Variants in MAF observed in about 807,000 individuals in gnomAD.
MAF encodes transcription factor Maf.
Under a neutral mutation model 22.0 loss-of-function variants are expected in MAF, and 10 were observed. That is an observed-to-expected ratio of 0.45 (90% CI 0.28 to 0.77). The LOEUF (loss-of-function observed/expected upper bound fraction) is 0.77, where lower values mean the gene tolerates loss of function less well. Ranked by LOEUF, MAF falls within the 30% of genes least tolerant of loss-of-function variation. The pLI is 0.12. For synonymous variants in MAF, 337 were observed against 255.8 expected, an observed-to-expected ratio of 1.32 and a Z score of -3.03; for missense variants, 544 against 548.4, an observed-to-expected ratio of 0.99 and a Z score of 0.08.
chr16:79,378,596 G>C, the MAF span, among the ~76,000 whole-genome samples: 4 of 152,156 alleles, frequency 2.6e-5, no homozygotes, highest in Non-Finnish European at 1.5e-5. Flanking sequence ...ATAATGCTGA[G>C]TAGAATGAGG....
At chr16:79,332,007 A>G in the MAF span, among the ~76,000 whole-genome samples, 1 of 152,170 alleles carries the variant, frequency 6.6e-6, no homozygotes, top group Non-Finnish European at 1.5e-5. Context: ...TTTGTTCATT[A>G]CCTGACTTTA....
the MAF span, among the ~76,000 whole-genome samples, chr16:79,471,298 G>A: frequency 2.6e-5 from 4 of 152,190 alleles, no homozygotes; most frequent in African/African-American, 7.2e-5. Context: ...TGAAGAGCAC[G>A]ACAGAACCCT....
At chr16:79,254,980 T>G in the MAF span, among the ~76,000 whole-genome samples, 1 of 152,184 alleles carries the variant, frequency 6.6e-6, no homozygotes, top group Non-Finnish European at 1.5e-5. Context: ...TGTTGCAAAG[T>G]AAAGCTGTAA....
chr16:79,541,707 C>A, the MAF span, among the ~76,000 whole-genome samples: 1 of 149,302 alleles, frequency 6.7e-6, no homozygotes, highest in East Asian at 2.0e-4. Flanking sequence ...GTCTGCTGCC[C>A]AGGCTGGAGT....
chr16:79,583,976 C>A (rs1052861629), downstream of MAF, among the ~76,000 whole-genome samples: 2 of 152,056 alleles, frequency 1.3e-5, no homozygotes, highest in Non-Finnish European at 2.9e-5. Flanking sequence ...CTGTAACATG[C>A]CCTAATGAAA....
At chr16:79,492,125 C>T in the MAF span, among the ~76,000 whole-genome samples, 1 of 152,196 alleles carries the variant, frequency 6.6e-6, no homozygotes, top group African/African-American at 2.4e-5. Flanking sequence ...TGAGATAGAG[C>T]AGGCACGGGC....
intron 1 of MAF, chr16:79,597,445 A>G (rs969742098): frequency 1.9e-6 from 2 of 1,029,032 alleles, no homozygotes; most frequent in Non-Finnish European, 2.3e-6. Context: ...TCTCGGCAAT[A>G]GCACAATTTT....
At chr16:79,391,911 AAGG>A in the MAF span, among the ~76,000 whole-genome samples, 4 of 83,664 alleles carry the variant, frequency 4.8e-5, no homozygotes, top group Non-Finnish European at 8.6e-5. Context: ...GGAGGAGGAG[AAGG>A]AGGAGGAGGA....
chr16:79,297,152 A>C, the MAF span, among the ~76,000 whole-genome samples: 2 of 152,152 alleles, frequency 1.3e-5, no homozygotes, highest in Non-Finnish European at 2.9e-5. Flanking sequence ...TCATGTTATA[A>C]GGCCCTGCTC....
At chr16:79,220,020 C>T in the MAF span, among the ~76,000 whole-genome samples, 4 of 152,012 alleles carry the variant, frequency 2.6e-5, no homozygotes, top group East Asian at 5.8e-4. Flanking sequence ...CTTTGGGATG[C>T]CAAGGTGGGC....
At position 79,599,241 on chromosome 16, in the gene MAF, G is replaced by A; in HGVS notation, c.662C>T (p.Pro221Leu). 1 of 978,172 alleles carries A rather than the reference G, an allele frequency of 1.0e-6. No individual in the cohort carries two copies. The allele number at this position is 978,172 out of a possible 1,614,324, so 60.6% of individuals were successfully genotyped here. The part of the protein sequence containing the change: ...GGAGGAGGGG[P>L]ASAGGGGGGG... ...GCCGCCGCCGCCCCCAGCGCTGGCC[G>A]GGCCACCGCCGCCCGCGCCCCCAGC... Residue 221 changes from proline (P) to leucine (L), a missense_variant, in exon 1 of 2, where the codon CCG becomes CTG. By Grantham distance (98) the Pro-to-Leu change is moderately conservative. Coordinates refer to ENST00000326043, the MANE Select transcript of MAF (RefSeq NM_005360.5).
At chr16:79,425,544 A>C in the MAF span, among the ~76,000 whole-genome samples, 2 of 152,214 alleles carry the variant, frequency 1.3e-5, no homozygotes, top group African/African-American at 4.8e-5. Flanking sequence ...TCGAGTTTAA[A>C]ACATAGTTGC....
the MAF span, among the ~76,000 whole-genome samples, chr16:79,353,330 T>C: frequency 6.6e-6 from 1 of 152,302 alleles, no homozygotes; most frequent in Admixed American, 6.5e-5. Context: ...GGTTTCACTA[T>C]GTTGCCCAGG....
chr16:79,390,747 T>C, the MAF span, among the ~76,000 whole-genome samples: 56 of 152,206 alleles, frequency 3.7e-4, no homozygotes, highest in South Asian at 0.011. Context: ...AGATAAGATA[T>C]GGGTAGAGAA....
chr16:79,389,544 G>A, the MAF span, among the ~76,000 whole-genome samples: 1 of 152,138 alleles, frequency 6.6e-6, no homozygotes, highest in Non-Finnish European at 1.5e-5. Flanking sequence ...TTACAGGCCT[G>A]AGCCACCGCG....
chr16:79,215,608 A>T, the MAF span, among the ~76,000 whole-genome samples: 1 of 152,160 alleles, frequency 6.6e-6, no homozygotes, highest in African/African-American at 2.4e-5. Context: ...CAGGGTTCAC[A>T]TCTGCAGGCT....
At chr16:79,221,325 C>A in the MAF span, among the ~76,000 whole-genome samples, 1 of 152,130 alleles carries the variant, frequency 6.6e-6, no homozygotes, top group Non-Finnish European at 1.5e-5. Flanking sequence ...CTGAGCAGAT[C>A]CTCCCTGGGA....
the MAF span, among the ~76,000 whole-genome samples, chr16:79,427,539 T>G: frequency 3.3e-4 from 51 of 152,324 alleles, no homozygotes; most frequent in South Asian, 2.9e-3. Flanking sequence ...CTGGCGTGCA[T>G]TGGCAGCTGG....
chr16:79,294,951 A>G, the MAF span, among the ~76,000 whole-genome samples: 1 of 152,198 alleles, frequency 6.6e-6, no homozygotes, highest in East Asian at 1.9e-4. Flanking sequence ...CAGTTGTCAC[A>G]GTTCTGCAAA....
Sources: allele counts gnomAD v4.1 joint callset (sites outside exome capture counted in the v4.1 genomes callset), GRCh38; gene constraint gnomAD v4.1.1; transcripts MANE v1.5; gene names NCBI Gene and HGNC (gene_info 2026-07-23, HGNC 2026-07-21).